The following SAMMSON variants were observed in gnomAD, a reference collection of about 807,000 sequenced individuals.
SAMMSON encodes the protein long intergenic non-protein coding RNA 1212.
At chr3:70,100,312 A>G (rs375717932) in intron 4 of SAMMSON, among the ~76,000 whole-genome samples, 48 of 151,940 alleles carry the variant, frequency 3.2e-4, no homozygotes, top group African/African-American at 1.1e-3. Context: ...ACATCCGGCT[A>G]ATTTTTGTAT....
At chr3:70,261,996 T>C (rs1186955831) in intron 6 of SAMMSON, among the ~76,000 whole-genome samples, 1 of 152,134 alleles carries the variant, frequency 6.6e-6, no homozygotes, top group Non-Finnish European at 1.5e-5. Context: ...TCCTTACCCA[T>C]AAGAGTTTGA....
intron 3 of SAMMSON, among the ~76,000 whole-genome samples, chr3:70,061,801 T>C (rs190061237): frequency 1.2e-3 from 185 of 152,274 alleles, no homozygotes; most frequent in Non-Finnish European, 2.1e-3. Flanking sequence ...GGTTACCCTC[T>C]CAGGGTTTTC....
At chr3:70,284,733 T>G (rs1337370706) in intron 6 of SAMMSON, among the ~76,000 whole-genome samples, 1 of 152,146 alleles carries the variant, frequency 6.6e-6, no homozygotes, top group Middle Eastern at 3.4e-3. Context: ...CAACACACAC[T>G]GGGGCCTATT....
chr3:70,231,004 G>C (rs1171717211), intron 4 of SAMMSON, among the ~76,000 whole-genome samples: 1 of 152,138 alleles, frequency 6.6e-6, no homozygotes, highest in African/African-American at 2.4e-5. Flanking sequence ...ACCCTCCAGG[G>C]CCTAGCAGCC....
At chr3:70,103,796 G>A (rs2067355107) in intron 4 of SAMMSON, among the ~76,000 whole-genome samples, 1 of 152,152 alleles carries the variant, frequency 6.6e-6, no homozygotes, top group African/African-American at 2.4e-5. Flanking sequence ...TAGAAATTAA[G>A]AGGTTGCTAT....
At chr3:70,250,664 T>G (rs1224673881) in intron 6 of SAMMSON, among the ~76,000 whole-genome samples, 1 of 152,200 alleles carries the variant, frequency 6.6e-6, no homozygotes, top group Non-Finnish European at 1.5e-5. Flanking sequence ...TCACAAAAAT[T>G]TCCAGCTTCC....
chr3:70,056,440 G>A (rs535625994), intron 3 of SAMMSON, among the ~76,000 whole-genome samples: 62 of 151,964 alleles, frequency 4.1e-4, no homozygotes, highest in African/African-American at 1.4e-3. Flanking sequence ...TCAACCGTTC[G>A]GCTACCTTTC....
At chr3:70,244,100 G>A (rs769130514) in intron 4 of SAMMSON, among the ~76,000 whole-genome samples, 4 of 152,020 alleles carry the variant, frequency 2.6e-5, no homozygotes, top group Admixed American at 2.6e-4. Flanking sequence ...CCTGCTCTTC[G>A]GTTTCCCCCA....
intron 4 of SAMMSON, among the ~76,000 whole-genome samples, chr3:70,107,853 T>C (rs991779483): frequency 2.0e-5 from 3 of 152,160 alleles, no homozygotes; most frequent in Non-Finnish European, 4.4e-5. Flanking sequence ...TTTGGATTCT[T>C]GCTTCTTAAA....
intron 2 of SAMMSON, among the ~76,000 whole-genome samples, chr3:70,432,253 G>A (rs112214849): frequency 4.6e-5 from 7 of 151,510 alleles, no homozygotes; most frequent in Middle Eastern, 3.2e-3. Context: ...ACTCATTGTG[G>A]ATTTTTTTCA....
At chr3:70,172,304 T>G (rs1427166153) in intron 4 of SAMMSON, 1 of 150,830 alleles carries the variant, frequency 6.6e-6, no homozygotes, top group Non-Finnish European at 1.5e-5. Flanking sequence ...AAGGTGACAG[T>G]CTCATGTTGG....
intron 4 of SAMMSON, among the ~76,000 whole-genome samples, chr3:70,120,973 T>C (rs566203374): frequency 4.6e-5 from 7 of 152,308 alleles, no homozygotes; most frequent in African/African-American, 1.7e-4. Context: ...CTCACCATTA[T>C]GTAGAATCAG....
At chr3:70,336,858 G>GTGT (rs1491478364) in intron 7 of SAMMSON, among the ~76,000 whole-genome samples, 6 of 135,762 alleles carry the variant, frequency 4.4e-5, no homozygotes, top group Admixed American at 2.3e-4. Flanking sequence ...GTGTGTGTGT[G>GTGT]GAGAGAGAGA....
chr3:70,355,780 G>C (rs200234422), intron 8 of SAMMSON, among the ~76,000 whole-genome samples: 1 of 150,782 alleles, frequency 6.6e-6, no homozygotes, highest in East Asian at 2.3e-4. Flanking sequence ...TAAGGAGTAG[G>C]AGAAGTGGAG....
At chr3:70,248,814 C>G (rs1261977424) in intron 4 of SAMMSON, among the ~76,000 whole-genome samples, 1 of 151,986 alleles carries the variant, frequency 6.6e-6, no homozygotes, top group Non-Finnish European at 1.5e-5. Flanking sequence ...AGTAGGCTAC[C>G]ATGTGTGATA....
intron 6 of SAMMSON, among the ~76,000 whole-genome samples, chr3:70,284,510 A>G (rs767137636): frequency 7.9e-5 from 12 of 152,214 alleles, no homozygotes; most frequent in Non-Finnish European, 1.8e-4. Flanking sequence ...ATGCCCATCA[A>G]TGATAGACTG....
chr3:70,283,680 G>A (rs1575614975), intron 6 of SAMMSON: 1 of 151,744 alleles, frequency 6.6e-6, no homozygotes, highest in East Asian at 2.0e-4. Flanking sequence ...ATAACATTTG[G>A]GTTTGGATGA....
At chr3:70,298,275 C>T (rs1469414833) in intron 7 of SAMMSON, among the ~76,000 whole-genome samples, 2 of 152,016 alleles carry the variant, frequency 1.3e-5, no homozygotes, top group African/African-American at 4.8e-5. Context: ...TTTCCCCACA[C>T]TTTGATGTGA....
intron 4 of SAMMSON, among the ~76,000 whole-genome samples, chr3:70,223,598 C>T (rs1368975056): frequency 6.6e-6 from 1 of 152,102 alleles, no homozygotes; most frequent in Non-Finnish European, 1.5e-5. Flanking sequence ...TATTGTCCTT[C>T]GGGCAGGTAC....
Sources: gnomAD v4.1 joint callset for allele counts (sites outside exome capture counted in the v4.1 genomes callset) on GRCh38, gnomAD v4.1.1 for gene constraint, MANE v1.5 for transcripts, NCBI Gene and HGNC (gene_info 2026-07-23, HGNC 2026-07-21) for gene names.